Variants in LRP5 observed in about 807,000 individuals in gnomAD.
LRP5 encodes low-density lipoprotein receptor-related protein 5.
LRP5 carries 62 observed loss-of-function variants against 154.1 expected under a neutral mutation model. That is an observed-to-expected ratio of 0.40 (90% CI 0.33 to 0.50). The LOEUF (loss-of-function observed/expected upper bound fraction) is 0.50. Ranked by LOEUF, LRP5 falls within the 20% of genes least tolerant of loss-of-function variation. The pLI is 0.55. For missense variants in LRP5, 1,915 were observed against 2,336.7 expected (o/e 0.82, Z 3.72); for synonymous variants, 966 against 1,011.5 (o/e 0.96, Z 0.85).
At chr11:68,330,929 C>G (rs1197426480) in intron 1 of LRP5, among the ~76,000 whole-genome samples, 1 of 152,240 alleles carries the variant, frequency 6.6e-6, no homozygotes, top group Non-Finnish European at 1.5e-5. Flanking sequence ...GTTCTCTGCC[C>G]AGTGCCTCCT....
chr11:68,361,828 C>T (rs1453124314), intron 3 of LRP5, among the ~76,000 whole-genome samples: 1 of 151,962 alleles, frequency 6.6e-6, no homozygotes, highest in Non-Finnish European at 1.5e-5. Context: ...TCTCAGAAAA[C>T]AAACAAAAAA....
At chr11:68,405,243 G>A (rs2098654958) in intron 8 of LRP5, among the ~76,000 whole-genome samples, 1 of 151,856 alleles carries the variant, frequency 6.6e-6, no homozygotes, top group South Asian at 2.1e-4. Context: ...GAGGCAGGAG[G>A]ATCACTTGAG....
intron 3 of LRP5, among the ~76,000 whole-genome samples, chr11:68,359,533 G>A (rs1469708426): frequency 1.3e-5 from 2 of 152,192 alleles, no homozygotes; most frequent in African/African-American, 2.4e-5. Context: ...GACAGTGAGG[G>A]TGATGGAGGT....
At chr11:68,418,572 C>T (rs1241915469) in intron 13 of LRP5, among the ~76,000 whole-genome samples, 1 of 152,204 alleles carries the variant, frequency 6.6e-6, no homozygotes, top group African/African-American at 2.4e-5. Flanking sequence ...CGCTGTTGTG[C>T]TCCCCATCTG....
At chr11:68,358,673 G>T (rs992911000) in intron 3 of LRP5, among the ~76,000 whole-genome samples, 1 of 152,206 alleles carries the variant, frequency 6.6e-6, no homozygotes. Context: ...AATAAAATGG[G>T]CCGAGAATGA....
At chr11:68,448,188 A>T (rs1000632134) in intron 22 of LRP5, among the ~76,000 whole-genome samples, 2 of 152,148 alleles carry the variant, frequency 1.3e-5, no homozygotes, top group African/African-American at 4.8e-5. Context: ...AGATTTATTC[A>T]CTACCACGAG....
intron 1 of LRP5, among the ~76,000 whole-genome samples, chr11:68,334,640 T>C (rs1265629421): frequency 6.6e-6 from 1 of 151,986 alleles, no homozygotes; most frequent in African/African-American, 2.4e-5. Context: ...TTTGGGAGGC[T>C]GAGGTGGGTG....
At chr11:68,354,228 G>T (rs1279055089) in intron 2 of LRP5, among the ~76,000 whole-genome samples, 3 of 152,230 alleles carry the variant, frequency 2.0e-5, no homozygotes, top group Non-Finnish European at 4.4e-5. Flanking sequence ...TTCCTCCGTG[G>T]AATTTGGCTG....
intron 13 of LRP5, among the ~76,000 whole-genome samples, chr11:68,421,099 C>T (rs2098665334): frequency 1.3e-5 from 2 of 152,006 alleles, no homozygotes; most frequent in South Asian, 2.1e-4. Context: ...TGGTGGCGGG[C>T]ACCTGTAGTC....
chr11:68,406,405 C>A, intron 8 of LRP5, 119 bp from the exon 9 acceptor site: 3 of 1,140,278 alleles, frequency 2.6e-6, no homozygotes, highest in Non-Finnish European at 4.0e-6. Context: ...GGGGTGAGTC[C>A]TGAGCTCGGC....
intron 1 of LRP5, among the ~76,000 whole-genome samples, chr11:68,314,457 T>G (rs773245321): frequency 5.3e-5 from 8 of 152,246 alleles, no homozygotes; most frequent in Non-Finnish European, 1.0e-4. Context: ...GGAGGAATCT[T>G]TCTGCAGAAC....
Position 68,413,801 on chromosome 11 carries a change from C to A in LRP5, c.2616C>A (p.Asp872Glu), listed in dbSNP as rs771134762. Residue 872 changes from aspartate to glutamate, a missense_variant, in exon 12 of 23, where the codon GAC becomes GAA. Physicochemically the swap from Asp to Glu is conservative, Grantham distance 45. Transcript: ENST00000294304. This position sits in a 1 kb window ranked among gnomAD's most constrained non-coding sequence, Gnocchi z 5.1. ...DWNLHSIERA[D>E]KTSGRNRTLI... is the part of the protein sequence containing the mutation. Reference sequence around the variant, plus strand: ...ATCTGCACAGCATTGAGCGGGCCGACAAGACTAGCGGCCGGAACCGCACCC... The same window carrying A: ...ATCTGCACAGCATTGAGCGGGCCGAAAAGACTAGCGGCCGGAACCGCACCC... 3.1e-6 allele frequency: 5 copies of A among 1,613,508 alleles called. No individual in the cohort carries two copies. Among genetic ancestry groups the A allele is most frequent in the Non-Finnish European group, 4.2e-6 (5 of 1,179,820 alleles).
chr11:68,377,788 C>T (rs2098638157), intron 5 of LRP5, among the ~76,000 whole-genome samples: 1 of 152,198 alleles, frequency 6.6e-6, no homozygotes, highest in African/African-American at 2.4e-5. Flanking sequence ...GGCCCTGGAG[C>T]TGGGAGCAGA....
At chr11:68,361,313 A>T (rs995704683) in intron 3 of LRP5, among the ~76,000 whole-genome samples, 11 of 148,432 alleles carry the variant, frequency 7.4e-5, no homozygotes, top group East Asian at 2.0e-4. Context: ...TCAAAAAAAA[A>T]AATAATAAAA....
chr11:68,371,945 G>C (rs2098634233), intron 5 of LRP5, among the ~76,000 whole-genome samples: 1 of 152,252 alleles, frequency 6.6e-6, no homozygotes, highest in African/African-American at 2.4e-5. Context: ...GTCACACAGG[G>C]ATCTCCTCCA....
intron 1 of LRP5, among the ~76,000 whole-genome samples, chr11:68,339,079 G>A (rs1470592709): frequency 6.6e-6 from 1 of 151,758 alleles, no homozygotes; most frequent in East Asian, 1.9e-4. Context: ...TCACCGTGTT[G>A]CCCAGGCTGC....
intron 7 of LRP5, among the ~76,000 whole-genome samples, chr11:68,397,961 G>A (rs1444675934): frequency 2.1e-5 from 1 of 48,622 alleles, no homozygotes; most frequent in Non-Finnish European, 5.5e-5. Flanking sequence ...GCACTGCAGA[G>A]CTGTGTGTGT....
In LRP5 at chr11:68,327,336, G is replaced by A. The variant is rs529276290; in HGVS notation, c.91+14531G>A. Among the ~76,000 whole-genome samples the A allele has an allele frequency of 9.2e-5, 14 of 152,318 alleles. No individual in the cohort carries two copies. The East Asian group carries it at 2.3e-3, about 25-fold the overall frequency. On this transcript the variant is annotated intron_variant, in intron 1 of 22. Coordinates refer to ENST00000294304, the MANE Select transcript of LRP5 (RefSeq NM_002335.4). ...TTGTGCTGAGGTCCTGGGAGGCCACGGTCATGAGGGGACCCAGTGAAGGCC... is the reference window on the plus strand; with the variant it reads ...TTGTGCTGAGGTCCTGGGAGGCCACAGTCATGAGGGGACCCAGTGAAGGCC...
chr11:68,426,804 C>T (rs928357668), intron 16 of LRP5, among the ~76,000 whole-genome samples: 4 of 152,200 alleles, frequency 2.6e-5, no homozygotes, highest in African/African-American at 9.7e-5. Flanking sequence ...CAGGGTCTCA[C>T]GGGGCCAGAA....
Sources: gnomAD v4.1 joint callset for allele counts (sites outside exome capture counted in the v4.1 genomes callset) on GRCh38, gnomAD v4.1.1 for gene constraint, Gnocchi (gnomAD v3.1) non-coding constraint, MANE v1.5 for transcripts, NCBI Gene and HGNC (gene_info 2026-07-23, HGNC 2026-07-21) for gene names.